Variants in CHTF18 observed in about 807,000 individuals in gnomAD.
The protein encoded by CHTF18 is chromosome transmission fidelity factor 18, also known as chromosome transmission fidelity protein 18 homolog.
CHTF18 carries 151 observed loss-of-function variants against 113.4 expected under a neutral mutation model. That is an observed-to-expected ratio of 1.33 (90% CI 1.17 to 1.52). The LOEUF (loss-of-function observed/expected upper bound fraction) is 1.52. Ranked by LOEUF, CHTF18 falls within the 40% of genes most tolerant of loss-of-function variation. The pLI, the probability that CHTF18 is intolerant of heterozygous loss-of-function variation, is 0.00. For missense variants in CHTF18, 1,982 were observed against 1,381.6 expected (o/e 1.43, Z -6.89); for synonymous variants, 916 against 598.8 (o/e 1.53, Z -7.74).
intron 8 of CHTF18, 69 bp from the exon 9 acceptor site, chr16:791,782 C>T: frequency 2.0e-6 from 3 of 1,526,186 alleles, no homozygotes; most frequent in South Asian, 1.2e-5. Context: ...TGTGGCAGTC[C>T]CTGGCTGCTA....
chr16:789,730 C>A lies in CHTF18; in HGVS notation c.606+15C>A. ...CGGGGGTGCAGGTGCGTGGCTGTGGCCTTCCTGCACGGTGGGTGGGCCAGT... is the reference window on the plus strand; with the variant it reads ...CGGGGGTGCAGGTGCGTGGCTGTGGACTTCCTGCACGGTGGGTGGGCCAGT... On this transcript the variant is annotated intron_variant, in intron 4 of 21. Coordinates refer to ENST00000262315, the MANE Select transcript of CHTF18 (RefSeq NM_022092.3). The A allele has an allele frequency of 6.4e-7, 1 of 1,567,016 alleles. No individual in the cohort carries two copies. The highest frequency in any genetic ancestry group is 8.6e-7 in the Non-Finnish European group (1 of 1,162,240).
Position 791,263 on chromosome 16 carries a change from C to A in CHTF18, c.997C>A (p.Arg333=). ...RKPRPSVEPA[R]VSKEATAPGK... Reference sequence around the variant, plus strand: ...GCCCAGGCCCAGTGTTGAGCCGGCCCGGGTCAGCAAGGAGGCCACAGCCCC... The same window carrying A: ...GCCCAGGCCCAGTGTTGAGCCGGCCAGGGTCAGCAAGGAGGCCACAGCCCC... The change falls in exon 8 of 22, where the codon CGG becomes AGG. Residue 333 remains arginine (R), a synonymous_variant. Transcript: ENST00000262315. 2 of 1,610,378 alleles carry A rather than the reference C, an allele frequency of 1.2e-6. No individual in the cohort carries two copies. Among genetic ancestry groups the A allele is most frequent in the Non-Finnish European group, 1.7e-6 (2 of 1,179,218 alleles).
rs2042307749 is a variant in CHTF18 at position 795,359 on chromosome 16, G to A, written c.2175+3G>A. On this transcript the variant is annotated splice_donor_region_variant and intron_variant, in intron 16 of 21. Transcript: ENST00000262315. Reference sequence around the variant, plus strand: ...CCTTCCCCAGCAGCCAGCAGGAGGTGTGCTCGTCCCTGCACCACGCCTGCC... The same window carrying A: ...CCTTCCCCAGCAGCCAGCAGGAGGTATGCTCGTCCCTGCACCACGCCTGCC... The A allele has an allele frequency of 1.3e-6, 2 of 1,542,512 alleles. No individual in the cohort carries two copies. Among genetic ancestry groups the A allele is most frequent in the Non-Finnish European group, 1.7e-6 (2 of 1,144,940 alleles).
chr16:795,125 C>G lies in CHTF18; in HGVS notation c.1951-7C>G, dbSNP rs1447004156. 4 of 1,541,218 alleles carry G rather than the reference C, an allele frequency of 2.6e-6. No homozygotes were observed. The African/African-American group carries it at 4.1e-5, about 16-fold the overall frequency. On this transcript the variant is annotated splice_region_variant and splice_polypyrimidine_tract_variant and intron_variant, in intron 15 of 21. Coordinates refer to ENST00000262315, the MANE Select transcript of CHTF18 (RefSeq NM_022092.3). ...GCAGGAGCTCAGGGGTTGCCGGCCG[C>G]CTGCAGGGCTTGTTTGACAACTTCC...
chr16:796,027 C>T lies in CHTF18; in HGVS notation c.2406C>T (p.Thr802=), dbSNP rs766659775. The part of the protein sequence containing the change: ...LVGTMLAYSL[T]YRQERTPDGQ... Reference sequence around the variant, plus strand: ...GCACGATGCTCGCTTACAGCCTGACCTACCGCCAGGAGCGCACGCCCGATG... The same window carrying T: ...GCACGATGCTCGCTTACAGCCTGACTTACCGCCAGGAGCGCACGCCCGATG... The change falls in exon 18 of 22, where the codon ACC becomes ACT. Residue 802 remains threonine, a synonymous_variant. Coordinates refer to ENST00000262315, the MANE Select transcript of CHTF18 (RefSeq NM_022092.3). The T allele has an allele frequency of 7.5e-6, 12 of 1,606,246 alleles. 1 individual carries two copies. Among genetic ancestry groups the T allele is most frequent in the Admixed American group, 3.4e-5 (2 of 59,290 alleles).
chr16:795,963 A>C lies in CHTF18; in HGVS notation c.2342A>C (p.Tyr781Ser), dbSNP rs928760580. The stretch of plus-strand genomic sequence containing the variant: ...ATCCCCTAGGTGAGCACACAGCTGT[A>C]CAGCACCCGTGAAAAGCAACAGCTG... Reference protein sequence around the residue: ...PKLRPVSTQLYSTREKQQLAS... With the variant: ...PKLRPVSTQLSSTREKQQLAS... Residue 781 changes from tyrosine to serine, a missense_variant, in exon 18 of 22, where the codon TAC (tyrosine) becomes TCC (serine). Transcript: ENST00000262315. 2 of 1,609,676 alleles carry C rather than the reference A, an allele frequency of 1.2e-6. No homozygotes were observed. The highest frequency in any genetic ancestry group is 1.7e-6 in the Non-Finnish European group (2 of 1,178,668).
chr16:789,710 G>T lies in CHTF18; in HGVS notation c.601G>T (p.Val201Leu), dbSNP rs764840563. 6.9e-6 allele frequency: 11 copies of T among 1,584,716 alleles called. No individual in the cohort carries two copies. In the African/African-American group the frequency reaches 1.3e-4, roughly 19 times the overall value. ...VLRADPMAPGVQGSLLHVPWR... is the reference protein window; with the variant it reads ...VLRADPMAPGLQGSLLHVPWR... ...GCGTGCTGACCCCATGGCCCCGGGG[G>T]TGCAGGTGCGTGGCTGTGGCCTTCC... is the stretch of plus-strand genomic sequence containing the variant. The change falls in exon 4 of 22, where the codon GTG becomes TTG. Residue 201 changes from valine (V) to leucine (L), a missense_variant. Transcript: ENST00000262315.
intron 9 of CHTF18, 78 bp downstream of exon 9, chr16:792,026 G>T (rs749932239): frequency 6.4e-7 from 1 of 1,551,578 alleles, no homozygotes; most frequent in Admixed American, 2.0e-5. Context: ...CTGAAACCGG[G>T]TGTGGATGTT....
rs747634004 is a variant in CHTF18, at chr16:790,183, C to T, written c.613C>T (p.Leu205Phe). The T allele has an allele frequency of 3.1e-6, 5 of 1,597,118 alleles. No individual in the cohort carries two copies. The highest frequency in any genetic ancestry group is 4.3e-6 in the Non-Finnish European group (5 of 1,172,836). ...TGTCCTCCCTTCCCCACAGGGCTCTCTCCTCCACGTCCCATGGCGAGGCGG... is the reference window on the plus strand; with the variant it reads ...TGTCCTCCCTTCCCCACAGGGCTCTTTCCTCCACGTCCCATGGCGAGGCGG... ...DPMAPGVQGSLLHVPWRGGGQ... is the reference protein window; with the variant it reads ...DPMAPGVQGSFLHVPWRGGGQ... The change falls in exon 5 of 22, where the codon CTC (leucine) becomes TTC (phenylalanine). Residue 205 changes from leucine (L) to phenylalanine (F), a missense_variant. Leu to Phe is a conservative substitution (Grantham distance 22). Coordinates refer to ENST00000262315, the MANE Select transcript of CHTF18 (RefSeq NM_022092.3).
At chr16:788,839 G>C in intron 1 of CHTF18, 64 bp downstream of exon 1, 1 of 1,539,198 alleles carries the variant, frequency 6.5e-7, no homozygotes, top group Non-Finnish European at 8.7e-7. Context: ...CGACCTCGGG[G>C]AGGGCGTGCC....
At chr16:796,297 C>G (rs2042345769) in intron 18 of CHTF18, among the ~76,000 whole-genome samples, 1 of 152,236 alleles carries the variant, frequency 6.6e-6, no homozygotes, top group Admixed American at 6.5e-5. Context: ...GAGCTGCTCC[C>G]AGCCTTAGCA....
chr16:797,055 T>C lies in CHTF18; in HGVS notation c.2696T>C (p.Leu899Pro), dbSNP rs765118548. 6.4e-7 allele frequency: 1 copy of C among 1,556,880 alleles called. No individual in the cohort carries two copies. Residue 899 changes from leucine (L) to proline (P), a missense_variant, in exon 20 of 22, where the codon CTG (leucine) becomes CCG (proline). Physicochemically the swap from Leu to Pro is moderately conservative, Grantham distance 98 (BLOSUM62 -3). Transcript: ENST00000262315. ...GCCCCACGCAACCATGAGCAGCGGCTGGAGCACATCATGAGGCGAGCGGCC... is the reference window on the plus strand; with the variant it reads ...GCCCCACGCAACCATGAGCAGCGGCCGGAGCACATCATGAGGCGAGCGGCC... ...RPAPRNHEQR[L>P]EHIMRRAARE...
chr16:788,655 T>G lies in CHTF18; in HGVS notation c.-30T>G. 6.7e-7 allele frequency: 1 copy of G among 1,488,700 alleles called. No individual in the cohort carries two copies. Among genetic ancestry groups the G allele is most frequent in the Non-Finnish European group, 8.9e-7 (1 of 1,117,628 alleles). The allele number at this position is 1,488,700 out of a possible 1,614,324, so 92.2% of individuals were successfully genotyped here. On this transcript the variant is annotated 5_prime_UTR_variant, in exon 1 of 22. Coordinates refer to ENST00000262315, the MANE Select transcript of CHTF18 (RefSeq NM_022092.3). ...CGACGGCGGCGGCGGCGCGGGAGGT[T>G]CGGAGCGGGAGCTCGGGCTCGCGGA...
In CHTF18 at chr16:791,387, G is replaced by T; in HGVS notation, c.1104+17G>T. ...AAGCAGAAGGTGAGCCCCGCTGGCT[G>T]TGCCGCCGGGAACAAGCCTGAGGCT... is the stretch of plus-strand genomic sequence containing the variant. On this transcript the variant is annotated intron_variant, in intron 8 of 21. Transcript: ENST00000262315. 6.3e-7 allele frequency: 1 copy of T among 1,583,138 alleles called. No homozygotes were observed. Among genetic ancestry groups the T allele is most frequent in the Non-Finnish European group, 8.6e-7 (1 of 1,168,380 alleles).
rs1361304534 is a variant in CHTF18, at chr16:792,587, A to T, written c.1475A>T (p.Asp492Val). Residue 492 changes from aspartate to valine, a missense_variant, in exon 11 of 22, where the codon GAC becomes GTC. Transcript: ENST00000262315. ...LMRPIICICN[D>V]QFAPSLRQLK... is the part of the protein sequence containing the mutation. ...AGGCCCATTATCTGCATTTGCAATG[A>T]CCAGTGAGTGCATGGGCGGGCGCCA... 6.3e-7 allele frequency: 1 copy of T among 1,595,168 alleles called. No homozygotes were observed. The highest frequency in any genetic ancestry group is 8.5e-7 in the Non-Finnish European group (1 of 1,174,166).
Position 796,049 on chromosome 16 carries a change from G to T in CHTF18, c.2428G>T (p.Asp810Tyr). Reference protein sequence around the residue: ...SLTYRQERTPDGQYIYRLEPN... With the variant: ...SLTYRQERTPYGQYIYRLEPN... ...GACCTACCGCCAGGAGCGCACGCCC[G>T]ATGGCCAGTACATCTACAGGCTGGA... Residue 810 changes from aspartate to tyrosine, a missense_variant, in exon 18 of 22, where the codon GAT becomes TAT. Physicochemically the swap from Asp to Tyr is radical, Grantham distance 160. Transcript: ENST00000262315. 6.2e-7 allele frequency: 1 copy of T among 1,604,648 alleles called. No individual in the cohort carries two copies. Among genetic ancestry groups the T allele is most frequent in the Non-Finnish European group, 8.5e-7 (1 of 1,176,402 alleles).
At chr16:797,520 G>A (rs966967034) in intron 20 of CHTF18, among the ~76,000 whole-genome samples, 174 bp from the exon 21 acceptor site, 9 of 152,146 alleles carry the variant, frequency 5.9e-5, no homozygotes, top group Non-Finnish European at 1.2e-4. Context: ...GGCACCTGGT[G>A]GGGAGCAGAT....
intron 15 of CHTF18, 102 bp from the exon 16 acceptor site, chr16:795,023 GGGCAGGC>G: frequency 1.1e-6 from 1 of 894,408 alleles, no homozygotes; most frequent in Non-Finnish European, 1.7e-6. Flanking sequence ...AAGCCTCGTG[GGGCAGGC>G]GGCAGGCAGG....
In CHTF18 at chr16:797,716, G is replaced by C. The variant is rs369218783; in HGVS notation, c.2756G>C (p.Arg919Pro). The C allele has an allele frequency of 1.7e-5, 27 of 1,611,040 alleles. No homozygotes were observed. The highest frequency in any genetic ancestry group is 2.1e-5 in the Non-Finnish European group (25 of 1,179,622). ...CAGCCTGAGAAGGACTTCTTTGGAC[G>C]TGTGGTCGTCAGGAGCACAGCAGTC... is the stretch of plus-strand genomic sequence containing the variant. ...EEQPEKDFFGRVVVRSTAVPS... is the reference protein window; with the variant it reads ...EEQPEKDFFGPVVVRSTAVPS... Residue 919 changes from arginine (R) to proline (P), a missense_variant, in exon 21 of 22, where the codon CGT (arginine) becomes CCT (proline). Physicochemically the swap from Arg to Pro is moderately radical, Grantham distance 103. Transcript: ENST00000262315.
Sources: gnomAD v4.1 joint callset for allele counts (sites outside exome capture counted in the v4.1 genomes callset) on GRCh38, gnomAD v4.1.1 for gene constraint, MANE v1.5 for transcripts, NCBI Gene and HGNC (gene_info 2026-07-23, HGNC 2026-07-21) for gene names.